The following PABPN1L variants were observed in gnomAD, a reference collection of about 807,000 sequenced individuals.
PABPN1L encodes PABPN1 like, cytoplasmic, also known as embryonic polyadenylate-binding protein 2.
In PABPN1L, 45 loss-of-function variants were observed where a neutral mutation model predicts 34.0. That is an observed-to-expected ratio of 1.32 (90% CI 1.04 to 1.70). PABPN1L has a LOEUF of 1.70. PABPN1L is among the 40% of genes most tolerant of loss of function. The pLI, the probability that PABPN1L is intolerant of heterozygous loss-of-function variation, is 0.00. For missense variants in PABPN1L, 459 were observed against 367.8 expected (o/e 1.25, Z -2.03); for synonymous variants, 182 against 152.1 (o/e 1.20, Z -1.45).
At chr16:88,869,033 C>T (rs1259485377), upstream of PABPN1L, among the ~76,000 whole-genome samples, 3 of 152,180 alleles carry the variant, frequency 2.0e-5, no homozygotes, top group Non-Finnish European at 1.5e-5. Flanking sequence ...TCCCTGTAAG[C>T]GCGATGCGAG....
chr16:88,863,857 G>A (rs1597638238), intron 6 of PABPN1L, 62 bp from the exon 7 acceptor site: 1 of 1,470,976 alleles, frequency 6.8e-7, no homozygotes, highest in Non-Finnish European at 9.2e-7. Flanking sequence ...GTGGCCCAGG[G>A]CCCCGGGGGA....
chr16:88,865,982 G>A lies in PABPN1L; in HGVS notation c.256-41C>T, dbSNP rs1323664026. 4 of 1,573,098 alleles carry A rather than the reference G, an allele frequency of 2.5e-6. No individual in the cohort carries two copies. The East Asian group carries it at 6.8e-5, about 27-fold the overall frequency. ...CCTGAGCCGGGCAGGCAGCCTGCAG[G>A]CTCTGCTCAAGGAAGGTGGGTGTGT... On this transcript the variant is annotated intron_variant, in intron 1 of 6. Coordinates refer to ENST00000419291, the Ensembl canonical transcript of PABPN1L.
intron 5 of PABPN1L, 116 bp from the exon 6 acceptor site, chr16:88,864,495 C>T (rs1305382796): frequency 1.1e-5 from 16 of 1,403,036 alleles, no homozygotes; most frequent in East Asian, 1.0e-4. Flanking sequence ...GGATACCATT[C>T]GGGCCTACAG....
At chr16:88,864,204 G>A (rs531913244) in intron 6 of PABPN1L, 33 bp downstream of exon 6, 29 of 1,493,270 alleles carry the variant, frequency 1.9e-5, no homozygotes, top group East Asian at 1.0e-4. Flanking sequence ...CATGGCCCTC[G>A]CCCCCAGGCT....
rs936347612 is a variant in PABPN1L, at chr16:88,864,260, C to T, written c.774G>A (p.Arg258=). ...ACCGGTTCTGCCCTTGTGGTCTGAG[C>T]CGGGGCCTGCCCTGGAGGCCGCTGT... The change falls in exon 6 of 7, where the codon CGG becomes CGA. Residue 258 remains arginine (R), a synonymous_variant. Coordinates refer to ENST00000419291, the Ensembl canonical transcript of PABPN1L. 7 of 1,544,200 alleles carry T rather than the reference C, an allele frequency of 4.5e-6. No homozygotes were observed. In the African/African-American group the frequency reaches 1.0e-4, roughly 23 times the overall value.
At chr16:88,869,334 G>A (rs941919966), upstream of PABPN1L, among the ~76,000 whole-genome samples, 13 of 152,248 alleles carry the variant, frequency 8.5e-5, no homozygotes, top group East Asian at 3.9e-4. Flanking sequence ...CCCTGGCTCC[G>A]CACAGCCACA....
exon 6 of PABPN1L, chr16:88,864,270 C>T (rs761291990): frequency 1.3e-6 from 2 of 1,549,190 alleles, no homozygotes; most frequent in Admixed American, 1.9e-5. Context: ...CCGGGGCCTG[C>T]CCTGGAGGCC....
At chr16:88,865,991 A>C (rs1219626999) in intron 1 of PABPN1L, 50 bp from the exon 2 acceptor site, 1 of 1,539,386 alleles carries the variant, frequency 6.5e-7, no homozygotes. Flanking sequence ...GGCTCTGCTC[A>C]AGGAAGGTGG....
At chr16:88,867,423 G>T (rs974817361), upstream of PABPN1L, among the ~76,000 whole-genome samples, 3 of 152,004 alleles carry the variant, frequency 2.0e-5, no homozygotes, top group African/African-American at 7.2e-5. Flanking sequence ...TAGAGACAGG[G>T]TTTCACCATG....
intron 1 of PABPN1L, 110 bp downstream of exon 1, chr16:88,866,242 C>G: frequency 1.4e-6 from 2 of 1,442,048 alleles, no homozygotes; most frequent in Non-Finnish European, 9.2e-7. Context: ...GGCAATGGCC[C>G]TCTCCCCTCC....
chr16:88,864,770 C>A, intron 5 of PABPN1L, 83 bp downstream of exon 5: 1 of 1,406,304 alleles, frequency 7.1e-7, no homozygotes, highest in Non-Finnish European at 9.8e-7. Flanking sequence ...AGAGAGGAGC[C>A]AGCTGGGGCT....
At chr16:88,865,833 C>T (rs774478649) in exon 2 of PABPN1L, 29 of 1,608,384 alleles carry the variant, frequency 1.8e-5, no homozygotes, top group East Asian at 4.5e-5. Flanking sequence ...AGCAGCTGCC[C>T]GGCCGCGGTG....
At chr16:88,870,044 C>A (rs763599589), upstream of PABPN1L, among the ~76,000 whole-genome samples, 190 of 152,308 alleles carry the variant, frequency 1.2e-3, 1 homozygote, top group Non-Finnish European at 2.3e-3. Context: ...GGCAAGCCGT[C>A]CCTTCCTGTG....
chr16:88,868,727 C>T (rs1281787938), upstream of PABPN1L, among the ~76,000 whole-genome samples: 1 of 152,116 alleles, frequency 6.6e-6, no homozygotes, highest in Non-Finnish European at 1.5e-5. Context: ...CAAGTGGTAG[C>T]GTTCCTTTGA....
upstream of PABPN1L, among the ~76,000 whole-genome samples, chr16:88,869,053 GCTT>G (rs746898582): frequency 1.5e-4 from 23 of 152,218 alleles, no homozygotes; most frequent in Non-Finnish European, 1.0e-4. Context: ...GGAGGCACAG[GCTT>G]CTTCATCTTC....
rs957147227 is a variant in PABPN1L, at chr16:88,866,082, G to T, written c.256-141C>A. ...CTGGACAGGGACACTCCTTCCTGGG[G>T]CAGCTGGCTGGGGATGAACTCGCCC... is the stretch of plus-strand genomic sequence containing the variant. On this transcript the variant is annotated intron_variant, in intron 1 of 6. Transcript: ENST00000419291. 13 of 1,362,808 alleles carry T rather than the reference G, an allele frequency of 9.5e-6. No homozygotes were observed. The African/African-American group carries it at 1.6e-4, about 17-fold the overall frequency. The allele number at this position is 1,362,808 out of a possible 1,614,324, so 84.4% of individuals were successfully genotyped here.
exon 6 of PABPN1L, chr16:88,864,360 T>C: frequency 6.4e-7 from 1 of 1,555,976 alleles, no homozygotes; most frequent in Non-Finnish European, 8.7e-7. Context: ...CCCAGGGAAG[T>C]TGGTTCTTTT....
upstream of PABPN1L, among the ~76,000 whole-genome samples, chr16:88,868,887 G>C (rs565294717): frequency 6.6e-6 from 1 of 152,210 alleles, no homozygotes; most frequent in Admixed American, 6.5e-5. Context: ...GTTCGCATTC[G>C]CCTCCGGTGA....
chr16:88,863,918 A>G (rs1968511582), intron 6 of PABPN1L, 123 bp from the exon 7 acceptor site: 2 of 1,052,838 alleles, frequency 1.9e-6, no homozygotes, highest in African/African-American at 3.2e-5. Context: ...GCAATGCCCC[A>G]GGGGCCTTTC....
Sources: gnomAD v4.1 joint callset for allele counts (sites outside exome capture counted in the v4.1 genomes callset) on GRCh38, gnomAD v4.1.1 for gene constraint, MANE v1.5 for transcripts, NCBI Gene and HGNC (gene_info 2026-07-23, HGNC 2026-07-21) for gene names.